The following ARHGEF4 variants were observed in gnomAD, a reference collection of about 807,000 sequenced individuals.
ARHGEF4 encodes the protein Rho guanine nucleotide exchange factor 4.
Under a neutral mutation model 162.0 loss-of-function variants are expected in ARHGEF4, and 119 were observed. The observed-to-expected ratio is 0.73, with a 90% confidence interval of 0.63 to 0.86. ARHGEF4 has a LOEUF of 0.86. Ranked by LOEUF, ARHGEF4 falls within the 40% of genes least tolerant of loss-of-function variation. The pLI is 0.00. For synonymous variants in ARHGEF4, 1,014 were observed against 979.9 expected (o/e 1.03, Z -0.65); for missense variants, 2,488 against 2,456.0 (o/e 1.01, Z -0.28).
intron 5 of ARHGEF4, among the ~76,000 whole-genome samples, chr2:131,031,810 C>T (rs1299568444): frequency 6.6e-6 from 1 of 152,224 alleles, no homozygotes; most frequent in Non-Finnish European, 1.5e-5. Context: ...TCCCCCTTGA[C>T]TCTCTTGGGC....
At chr2:130,922,858 G>T (rs1681969530) in intron 2 of ARHGEF4, among the ~76,000 whole-genome samples, 1 of 150,946 alleles carries the variant, frequency 6.6e-6, no homozygotes, top group South Asian at 2.1e-4. Flanking sequence ...TGATAGAATT[G>T]CATTGTGGGT....
chr2:131,012,066 C>T (rs574589482), intron 4 of ARHGEF4, among the ~76,000 whole-genome samples: 102 of 152,284 alleles, frequency 6.7e-4, no homozygotes, highest in African/African-American at 2.4e-3. Context: ...TTCTGAGCTA[C>T]TGAAAGAATG....
chr2:130,851,475 C>T (rs1400046218), intron 1 of ARHGEF4, among the ~76,000 whole-genome samples: 1 of 152,192 alleles, frequency 6.6e-6, no homozygotes, highest in East Asian at 1.9e-4. Flanking sequence ...GCGGTTCATG[C>T]GGGTTGGGGA....
In ARHGEF4 at chr2:131,041,560, T is replaced by C; in HGVS notation, c.4895+98T>C. 4 of 1,310,100 alleles carry C rather than the reference T, an allele frequency of 3.1e-6. No homozygotes were observed. In the African/African-American group the frequency reaches 4.4e-5, roughly 14 times the overall value. 81.2% of individuals were successfully genotyped at this position (1,310,100 alleles called of 1,614,324 possible). ...AGTGTGCTGGGCACTGCTGCAGCCC[T>C]GGGGCAACACACAGAAAACTAGCCC... On this transcript the variant is annotated intron_variant, in intron 9 of 13. Coordinates refer to ENST00000409359, the MANE Select transcript of ARHGEF4 (RefSeq NM_001367493.1).
intron 4 of ARHGEF4, among the ~76,000 whole-genome samples, chr2:131,009,141 T>G (rs1688301266): frequency 6.6e-6 from 1 of 152,258 alleles, no homozygotes; most frequent in African/African-American, 2.4e-5. Flanking sequence ...CAGCAGACAT[T>G]GTGGTGGTGT....
chr2:130,988,247 C>T (rs1467845125), intron 4 of ARHGEF4, among the ~76,000 whole-genome samples: 1 of 152,220 alleles, frequency 6.6e-6, no homozygotes, highest in Non-Finnish European at 1.5e-5. Flanking sequence ...CCCAGGCTCA[C>T]AGGAGCCACC....
At chr2:130,903,210 GGTTTT>G (rs888004232) in intron 1 of ARHGEF4, among the ~76,000 whole-genome samples, 6 of 147,890 alleles carry the variant, frequency 4.1e-5, no homozygotes, top group Non-Finnish European at 7.5e-5. Flanking sequence ...CATCTCTGCT[GGTTTT>G]GTTTTGTTTT....
Position 131,040,346 on chromosome 2 carries a change from A to G in ARHGEF4, c.4568A>G (p.Tyr1523Cys). ...ATCTTCGGGAACATCGAGGACATCT[A>G]CCGCTGCCAGAAGGCCTTCGTGAAG... is the stretch of plus-strand genomic sequence containing the variant. Reference protein sequence around the residue: ...RTIFGNIEDIYRCQKAFVKAL... With the variant: ...RTIFGNIEDICRCQKAFVKAL... Residue 1523 changes from tyrosine to cysteine, a missense_variant, in exon 8 of 14, where the codon TAC becomes TGC. Coordinates refer to ENST00000409359, the MANE Select transcript of ARHGEF4 (RefSeq NM_001367493.1). 1.2e-6 allele frequency: 2 copies of G among 1,612,188 alleles called. No homozygotes were observed. The highest frequency in any genetic ancestry group is 2.2e-5 in the East Asian group (1 of 44,844).
At position 130,915,248 on chromosome 2, in the gene ARHGEF4, G is replaced by T. The variant is rs1681410322; in HGVS notation, c.1302G>T (p.Arg434Ser). The change falls in exon 2 of 14, where the codon AGG becomes AGT. Residue 434 changes from arginine to serine, a missense_variant. Coordinates refer to ENST00000409359, the MANE Select transcript of ARHGEF4 (RefSeq NM_001367493.1). ...AAAACCAGTTAAGACAGGATTCCAG[G>T]TCATGTCTGGTGGCTTCATGCCTCA... ...LGENQLRQDSRSCLVASCLTS... is the reference protein window; with the variant it reads ...LGENQLRQDSSSCLVASCLTS... 6.4e-7 allele frequency: 1 copy of T among 1,550,614 alleles called. No individual in the cohort carries two copies. The highest frequency in any genetic ancestry group is 2.0e-5 in the Admixed American group (1 of 51,002).
intron 1 of ARHGEF4, among the ~76,000 whole-genome samples, chr2:130,871,827 C>A (rs1171367792): frequency 1.3e-5 from 2 of 152,150 alleles, no homozygotes; most frequent in Non-Finnish European, 2.9e-5. Context: ...TTTTTCTTAA[C>A]TCTTGCCAGT....
At chr2:130,946,410 A>G in intron 3 of ARHGEF4, 99 bp from the exon 4 acceptor site, 3 of 1,451,690 alleles carry the variant, frequency 2.1e-6, no homozygotes, top group African/African-American at 2.8e-5. Flanking sequence ...CTCTGTTCAC[A>G]ATGAAAAGTC....
intron 4 of ARHGEF4, among the ~76,000 whole-genome samples, chr2:131,007,276 A>AGT (rs1688175818): frequency 6.6e-6 from 1 of 152,180 alleles, no homozygotes; most frequent in Admixed American, 6.5e-5. Context: ...GGAGTCAGCC[A>AGT]GTGCTTAAGG....
intron 4 of ARHGEF4, among the ~76,000 whole-genome samples, chr2:130,974,482 G>C (rs1003174330): frequency 1.3e-5 from 2 of 152,000 alleles, no homozygotes; most frequent in African/African-American, 4.8e-5. Flanking sequence ...GTCTGGCTCT[G>C]TCTGCCAGGC....
chr2:131,039,757 G>C (rs573687737), intron 6 of ARHGEF4: 2 of 1,369,196 alleles, frequency 1.5e-6, no homozygotes, highest in Non-Finnish European at 1.9e-6. Context: ...CCTCTGTGCC[G>C]GGCACAAGCA....
At chr2:130,919,826 A>G (rs1168471175) in intron 2 of ARHGEF4, among the ~76,000 whole-genome samples, 2 of 152,058 alleles carry the variant, frequency 1.3e-5, no homozygotes, top group African/African-American at 2.4e-5. Flanking sequence ...CAGTGAGCCA[A>G]GATCACACCA....
At chr2:130,894,516 C>T (rs143115999) in intron 1 of ARHGEF4, among the ~76,000 whole-genome samples, 3 of 152,122 alleles carry the variant, frequency 2.0e-5, no homozygotes, top group Admixed American at 1.3e-4. Flanking sequence ...GCAGTGCAGG[C>T]GAGGGTGTGG....
At chr2:130,986,022 C>T (rs1031064742) in intron 4 of ARHGEF4, among the ~76,000 whole-genome samples, 17 of 149,650 alleles carry the variant, frequency 1.1e-4, no homozygotes, top group African/African-American at 2.7e-4. Context: ...GTGTGTTGTG[C>T]GTGCATGTTT....
intron 1 of ARHGEF4, among the ~76,000 whole-genome samples, chr2:130,880,534 T>G (rs1027530679): frequency 2.0e-5 from 3 of 152,082 alleles, no homozygotes; most frequent in Non-Finnish European, 4.4e-5. Context: ...CCACAAAAGG[T>G]AGGTTTTCGT....
intron 2 of ARHGEF4, among the ~76,000 whole-genome samples, chr2:130,920,963 TC>T (rs2105071657): frequency 6.6e-6 from 1 of 152,248 alleles, no homozygotes; most frequent in Non-Finnish European, 1.5e-5. Flanking sequence ...CTGGATGACC[TC>T]CACCAGGTCA....
Sources: allele counts gnomAD v4.1 joint callset (sites outside exome capture counted in the v4.1 genomes callset), GRCh38; gene constraint gnomAD v4.1.1; transcripts MANE v1.5; gene names NCBI Gene and HGNC (gene_info 2026-07-23, HGNC 2026-07-21).